The following RASSF3 variants were observed in gnomAD, a reference collection of about 807,000 sequenced individuals.
RASSF3 encodes the protein Ras association domain family member 3.
Under a neutral mutation model 19.9 loss-of-function variants are expected in RASSF3, and 19 were observed. The observed-to-expected ratio is 0.96, with a 90% CI of 0.67 to 1.40. The LOEUF (loss-of-function observed/expected upper bound fraction) is 1.40. RASSF3 is among the 40% of genes most tolerant of loss of function. The probability of loss-of-function intolerance (pLI) is 0.00; values close to 1 mark genes in which losing one functional copy is unlikely to be tolerated. For synonymous variants in RASSF3, 110 were observed against 104.2 expected (o/e 1.06, Z -0.34); for missense variants, 306 against 289.8 (o/e 1.06, Z -0.41).
intron 2 of RASSF3, among the ~76,000 whole-genome samples, chr12:64,685,567 G>C (rs1873317729): frequency 6.6e-6 from 1 of 152,140 alleles, no homozygotes; most frequent in African/African-American, 2.4e-5. Flanking sequence ...AATAAATATG[G>C]AAGTGTCAGG....
chr12:64,633,634 C>T (rs117096319), intron 1 of RASSF3, among the ~76,000 whole-genome samples: 6,210 of 152,228 alleles, frequency 0.041, 154 homozygotes, highest in Non-Finnish European at 0.064. Context: ...GCCTCAGATA[C>T]TCTTTTATAG....
chr12:64,633,661 AAC>A (rs1871237350), intron 1 of RASSF3, among the ~76,000 whole-genome samples: 1 of 152,188 alleles, frequency 6.6e-6, no homozygotes, highest in Admixed American at 6.5e-5. Context: ...AGAAAAGACA[AAC>A]ACAGAAAATT....
At chr12:64,667,870 C>G (rs544850140) in intron 1 of RASSF3, among the ~76,000 whole-genome samples, 3 of 152,298 alleles carry the variant, frequency 2.0e-5, no homozygotes, top group Admixed American at 2.0e-4. Flanking sequence ...ATGCTCACTC[C>G]CTTCTTCCAG....
At chr12:64,628,523 G>A (rs922249411) in intron 1 of RASSF3, 15 of 152,126 alleles carry the variant, frequency 9.9e-5, no homozygotes, top group African/African-American at 3.6e-4. Flanking sequence ...TTGACATGGA[G>A]TCTCTCTCTG....
intron 1 of RASSF3, among the ~76,000 whole-genome samples, chr12:64,641,762 G>A (rs1255760690): frequency 6.7e-6 from 1 of 148,226 alleles, no homozygotes; most frequent in Admixed American, 6.7e-5. Flanking sequence ...TTTTTTTTTG[G>A]ATGGAGTTTC....
At position 64,630,605 on chromosome 12, in the gene RASSF3, G is replaced by A. The variant is rs573930371; in HGVS notation, c.111+19862G>A. On this transcript the variant is annotated intron_variant, in intron 1 of 4. Coordinates refer to ENST00000542104, the MANE Select transcript of RASSF3 (RefSeq NM_178169.4). ...TTACTCCCAGGACATGTGATCATAT[G>A]CCTACTCAGGAATGAGTTATAGCTA... Among the ~76,000 whole-genome samples the A allele has an allele frequency of 2.6e-5, 4 of 152,266 alleles. No homozygotes were observed. In the East Asian group the frequency reaches 5.8e-4, roughly 22 times the overall value.
chr12:64,538,659 A>C (rs559883137), intron 1 of RASSF3, among the ~76,000 whole-genome samples: 60 of 151,800 alleles, frequency 4.0e-4, no homozygotes, highest in African/African-American at 5.3e-4. Flanking sequence ...ACAAAAAAAA[A>C]CACAAATAAA....
intron 2 of RASSF3, among the ~76,000 whole-genome samples, chr12:64,569,294 T>C (rs964672659): frequency 6.6e-6 from 1 of 152,256 alleles, no homozygotes; most frequent in African/African-American, 2.4e-5. Flanking sequence ...CAGAGCTCTT[T>C]GCACAAGTTA....
chr12:64,606,808 G>A (rs1870201513), upstream of RASSF3, among the ~76,000 whole-genome samples: 1 of 151,916 alleles, frequency 6.6e-6, no homozygotes, highest in African/African-American at 2.4e-5. Context: ...GAGTGAGACT[G>A]CGTCTCAAAA....
At chr12:64,555,147 G>A (rs1189999791) in intron 2 of RASSF3, among the ~76,000 whole-genome samples, 1 of 152,080 alleles carries the variant, frequency 6.6e-6, no homozygotes, top group Admixed American at 6.5e-5. Flanking sequence ...GGGAGGCTGA[G>A]GTGGGGGAAT....
chr12:64,693,352 C>T (rs570783096), intron 4 of RASSF3, among the ~76,000 whole-genome samples: 59 of 151,986 alleles, frequency 3.9e-4, no homozygotes, highest in African/African-American at 1.3e-3. Context: ...GAAAAAACCT[C>T]GTAGATGATG....
intron 1 of RASSF3, among the ~76,000 whole-genome samples, chr12:64,612,386 A>G (rs1870400222): frequency 6.6e-6 from 1 of 152,152 alleles, no homozygotes; most frequent in Admixed American, 6.6e-5. Context: ...CACAAGGGCC[A>G]AACTATTCAG....
At chr12:64,652,840 G>A (rs1872010353) in intron 1 of RASSF3, among the ~76,000 whole-genome samples, 1 of 152,268 alleles carries the variant, frequency 6.6e-6, no homozygotes, top group Admixed American at 6.5e-5. Context: ...AATCTTGTCT[G>A]TGTTAGTTTG....
At chr12:64,671,031 G>A (rs1479563804) in intron 1 of RASSF3, among the ~76,000 whole-genome samples, 2 of 152,168 alleles carry the variant, frequency 1.3e-5, no homozygotes, top group East Asian at 3.9e-4. Context: ...GAGGCAAGTT[G>A]TGAAGGGTGT....
intron 1 of RASSF3, among the ~76,000 whole-genome samples, chr12:64,536,746 T>C (rs1239063971): frequency 6.6e-6 from 1 of 152,228 alleles, no homozygotes; most frequent in East Asian, 1.9e-4. Context: ...AAACAGAAGA[T>C]GAGCAGGCAG....
intron 2 of RASSF3, among the ~76,000 whole-genome samples, chr12:64,586,845 C>T (rs1223417000): frequency 6.6e-6 from 1 of 151,632 alleles, no homozygotes; most frequent in East Asian, 2.0e-4. Context: ...ATCGCTTGAA[C>T]ACGGGAGGTG....
chr12:64,670,185 T>G (rs1426335523), intron 1 of RASSF3, among the ~76,000 whole-genome samples: 2 of 152,208 alleles, frequency 1.3e-5, no homozygotes, highest in African/African-American at 4.8e-5. Context: ...CGGACAGCCT[T>G]GTGGCGTTGG....
chr12:64,632,422 A>G (rs1243547776), intron 1 of RASSF3, among the ~76,000 whole-genome samples: 1 of 152,208 alleles, frequency 6.6e-6, no homozygotes, highest in Non-Finnish European at 1.5e-5. Context: ...AGCAGAGTTT[A>G]GAGGGCAAGA....
intron 2 of RASSF3, among the ~76,000 whole-genome samples, chr12:64,547,270 T>TAAA (rs79967837): frequency 3.4e-4 from 43 of 127,510 alleles, no homozygotes; most frequent in African/African-American, 1.3e-3. Flanking sequence ...AGACTTGATC[T>TAAA]AAAAAAAAAA....
Sources: allele counts gnomAD v4.1 joint callset (sites outside exome capture counted in the v4.1 genomes callset), GRCh38; gene constraint gnomAD v4.1.1; transcripts MANE v1.5; gene names NCBI Gene and HGNC (gene_info 2026-07-23, HGNC 2026-07-21).